Variants in FSIP1 observed in about 807,000 individuals in gnomAD.
The protein encoded by FSIP1 is fibrous sheath-interacting protein 1.
FSIP1 carries 65 observed loss-of-function variants against 60.9 expected under a neutral mutation model. The observed-to-expected ratio is 1.07, with a 90% CI of 0.87 to 1.31. The LOEUF (loss-of-function observed/expected upper bound fraction) is 1.31, where lower values mean the gene tolerates loss of function less well. Ranked by LOEUF, FSIP1 falls within the 40% of genes most tolerant of loss-of-function variation. FSIP1 has a pLI of 0.00. For missense variants in FSIP1, 675 were observed against 665.5 expected, an observed-to-expected ratio of 1.01 and a Z score of -0.16; for synonymous variants, 209 against 221.2, an observed-to-expected ratio of 0.94 and a Z score of 0.49.
downstream of FSIP1, chr15:39,597,797 A>G (rs1471975966): frequency 3.9e-5 from 6 of 152,232 alleles, no homozygotes; most frequent in Non-Finnish European, 8.8e-5. Context: ...TTCAAAGTGC[A>G]GTATGAAAAC....
intron 10 of FSIP1, among the ~76,000 whole-genome samples, chr15:39,700,374 C>T (rs1895007838): frequency 6.6e-6 from 1 of 152,030 alleles, no homozygotes; most frequent in Non-Finnish European, 1.5e-5. Context: ...TTTATTTCTG[C>T]CTTATATTTT....
chr15:39,712,364 T>C (rs951135100), intron 10 of FSIP1, among the ~76,000 whole-genome samples: 2 of 151,888 alleles, frequency 1.3e-5, no homozygotes, highest in African/African-American at 4.8e-5. Context: ...AGTGGAATAA[T>C]GAGAGAAGGG....
At chr15:39,731,080 G>A (rs775473996) in intron 8 of FSIP1, among the ~76,000 whole-genome samples, 33 of 152,018 alleles carry the variant, frequency 2.2e-4, no homozygotes, top group East Asian at 7.7e-4. Flanking sequence ...ATAATAAAAC[G>A]TCTAAAAATA....
intron 10 of FSIP1, among the ~76,000 whole-genome samples, chr15:39,676,419 AT>A (rs1893943530): frequency 6.6e-6 from 1 of 152,178 alleles, no homozygotes; most frequent in Non-Finnish European, 1.5e-5. Context: ...TAGCTCCTAA[AT>A]TAGAAGCCAG....
chr15:39,661,658 G>C (rs1893300980), intron 10 of FSIP1, among the ~76,000 whole-genome samples: 1 of 152,118 alleles, frequency 6.6e-6, no homozygotes, highest in African/African-American at 2.4e-5. Flanking sequence ...AAGCACTATG[G>C]GTTTGGTTAT....
chr15:39,622,413 C>A (rs1453914013), intron 10 of FSIP1, among the ~76,000 whole-genome samples: 1 of 152,272 alleles, frequency 6.6e-6, no homozygotes, highest in African/African-American at 2.4e-5. Context: ...AATACACACA[C>A]ATTTCATAGT....
chr15:39,767,409 T>G (rs1897728805), intron 3 of FSIP1, among the ~76,000 whole-genome samples: 2 of 152,146 alleles, frequency 1.3e-5, no homozygotes, highest in Non-Finnish European at 2.9e-5. Flanking sequence ...GCAGCTAATT[T>G]CAATTATAAT....
chr15:39,684,013 C>A lies in FSIP1; in HGVS notation c.1188+29431G>T, dbSNP rs112451672. Among the ~76,000 whole-genome samples the A allele has an allele frequency of 7.0e-3, 1,071 of 152,302 alleles. 17 individuals carry two copies. Among genetic ancestry groups the A allele is most frequent in the African/African-American group, 0.024 (983 of 41,562 alleles). ...GGCATAATAAAGCCATCTGTTCTCA[C>A]CAAACTTATCTATAAATTTATGCAA... is the stretch of plus-strand genomic sequence containing the variant. On this transcript the variant is annotated intron_variant, in intron 10 of 11. Transcript: ENST00000350221.
chr15:39,674,542 G>A (rs528168802), intron 10 of FSIP1, among the ~76,000 whole-genome samples: 267 of 151,636 alleles, frequency 1.8e-3, no homozygotes, highest in Non-Finnish European at 3.1e-3. Flanking sequence ...GACAGGGAGA[G>A]ACATATTGAC....
chr15:39,770,642 C>T (rs1437249706), intron 2 of FSIP1, 32 bp from the exon 3 acceptor site: 5 of 1,339,888 alleles, frequency 3.7e-6, no homozygotes, highest in South Asian at 3.6e-5. Context: ...AAACAGTTTC[C>T]GAAAATACTG....
chr15:39,734,842 A>C (rs971434050), intron 8 of FSIP1, among the ~76,000 whole-genome samples: 3 of 152,190 alleles, frequency 2.0e-5, no homozygotes, highest in Non-Finnish European at 4.4e-5. Context: ...GAAACAATTA[A>C]AGATAAAGAC....
At chr15:39,722,417 G>A (rs949523084) in intron 9 of FSIP1, among the ~76,000 whole-genome samples, 2 of 152,042 alleles carry the variant, frequency 1.3e-5, no homozygotes, top group African/African-American at 2.4e-5. Flanking sequence ...CTCTGGGCCC[G>A]TGGAAGAATT....
intron 10 of FSIP1, among the ~76,000 whole-genome samples, chr15:39,655,059 A>G (rs1050584182): frequency 3.3e-5 from 5 of 152,182 alleles, no homozygotes; most frequent in African/African-American, 9.6e-5. Flanking sequence ...TTCATCAACC[A>G]AAGTTTATTA....
intron 10 of FSIP1, among the ~76,000 whole-genome samples, chr15:39,674,816 A>G (rs1278804858): frequency 6.6e-6 from 1 of 152,226 alleles, no homozygotes; most frequent in African/African-American, 2.4e-5. Flanking sequence ...TACCCATTAT[A>G]AAACAAGATA....
At chr15:39,603,105 A>G (rs1279048468) in intron 11 of FSIP1, among the ~76,000 whole-genome samples, 3 of 152,198 alleles carry the variant, frequency 2.0e-5, no homozygotes, top group Non-Finnish European at 1.5e-5. Flanking sequence ...CAGCCCTTCA[A>G]ATGTCCAACT....
At chr15:39,635,529 G>A (rs56715321) in intron 10 of FSIP1, among the ~76,000 whole-genome samples, 3 of 152,206 alleles carry the variant, frequency 2.0e-5, no homozygotes, top group Non-Finnish European at 4.4e-5. Context: ...TTAGTTCCAT[G>A]TAAGGGATGT....
chr15:39,750,985 T>C (rs1163988385), intron 5 of FSIP1, among the ~76,000 whole-genome samples: 1 of 151,914 alleles, frequency 6.6e-6, no homozygotes, highest in Non-Finnish European at 1.5e-5. Context: ...TAGATATTTT[T>C]TCAAAGAAAA....
chr15:39,767,902 T>C (rs1595401707), intron 3 of FSIP1, among the ~76,000 whole-genome samples: 2 of 152,332 alleles, frequency 1.3e-5, no homozygotes, highest in South Asian at 4.1e-4. Flanking sequence ...TCTTCTGGTA[T>C]ACCAGGGCAA....
intron 2 of FSIP1, among the ~76,000 whole-genome samples, chr15:39,772,880 C>T (rs1045558082): frequency 2.0e-5 from 3 of 152,078 alleles, no homozygotes; most frequent in Non-Finnish European, 2.9e-5. Flanking sequence ...CGTGAGCCAC[C>T]GTGCCCAGCC....
Sources: gnomAD v4.1 joint callset for allele counts (sites outside exome capture counted in the v4.1 genomes callset) on GRCh38, gnomAD v4.1.1 for gene constraint, MANE v1.5 for transcripts, NCBI Gene and HGNC (gene_info 2026-07-23, HGNC 2026-07-21) for gene names.